OPHN1: variants seen among roughly 807,000 people sequenced by gnomAD.
OPHN1 encodes the protein oligophrenin 1.
In OPHN1, 11 loss-of-function variants were observed where a neutral mutation model predicts 60.7. The observed-to-expected ratio is 0.18, with a 90% CI of 0.11 to 0.30. The LOEUF is 0.30. OPHN1 is among the 10% of genes least tolerant of loss of function. The pLI is 1.00. For missense variants in OPHN1, 449 were observed against 611.0 expected, an observed-to-expected ratio of 0.73 and a Z score of 2.80; for synonymous variants, 226 against 222.6, an observed-to-expected ratio of 1.02 and a Z score of -0.14.
intron 5 of OPHN1, among the ~76,000 whole-genome samples, chrX:68,240,176 G>T (rs183910321): frequency 8.9e-6 from 1 of 112,270 alleles, no homozygotes; most frequent in East Asian, 2.8e-4. Flanking sequence ...AGACAAATGG[G>T]TATCTTTCTC....
At chrX:68,184,473 G>A (rs1369675301) in intron 15 of OPHN1, among the ~76,000 whole-genome samples, 2 of 104,383 alleles carry the variant, frequency 1.9e-5, no homozygotes, top group Non-Finnish European at 3.9e-5. Flanking sequence ...GGTGAGCTGA[G>A]ATCACGTCAC....
chrX:68,320,305 C>T (rs893904608), intron 2 of OPHN1, among the ~76,000 whole-genome samples: 2 of 111,207 alleles, frequency 1.8e-5, no homozygotes, highest in East Asian at 2.8e-4. Context: ...GCTGTGATCA[C>T]GCCACTGCAC....
At chrX:68,251,893 C>T (rs1367724260) in intron 5 of OPHN1, among the ~76,000 whole-genome samples, 1 of 112,189 alleles carries the variant, frequency 8.9e-6, no homozygotes, top group African/African-American at 3.2e-5. Flanking sequence ...CCCCACCTCT[C>T]TGTATCCATG....
intron 2 of OPHN1, among the ~76,000 whole-genome samples, chrX:68,324,567 T>C (rs2078250313): frequency 1.9e-5 from 2 of 105,116 alleles, no homozygotes; most frequent in South Asian, 4.4e-4. Flanking sequence ...TCAGATGTGT[T>C]CATGCTACTG....
At chrX:68,399,351 C>T (rs1602388350) in intron 2 of OPHN1, among the ~76,000 whole-genome samples, 1 of 111,306 alleles carries the variant, frequency 9.0e-6, no homozygotes, top group South Asian at 3.8e-4. Context: ...TTGAATCTTC[C>T]TATTTAAAAC....
chrX:68,339,962 C>T (rs572331070), intron 2 of OPHN1, among the ~76,000 whole-genome samples: 3 of 111,916 alleles, frequency 2.7e-5, no homozygotes, highest in Admixed American at 9.6e-5. Flanking sequence ...CACTGTTTCA[C>T]GTACAATGGT....
rs769784905 is a variant in OPHN1, at chrX:68,338,629, A to G, written c.155-39533T>C. On this transcript the variant is annotated intron_variant, in intron 2 of 24. Transcript: ENST00000355520. ...CCCTAATATAAAAATTAAACTAACC[A>G]CAAGAAAATAAGTCTAAATACAAAA... Among the ~76,000 whole-genome samples the G allele has an allele frequency of 2.9e-3, 325 of 112,059 alleles. 3 individuals carry two copies. Among genetic ancestry groups the G allele is most frequent in the Non-Finnish European group, 4.8e-3 (253 of 53,229 alleles).
chrX:68,369,470 GTACAGCC>G (rs1001874147), intron 2 of OPHN1, among the ~76,000 whole-genome samples: 2 of 111,428 alleles, frequency 1.8e-5, no homozygotes, highest in Non-Finnish European at 3.8e-5. Flanking sequence ...AAACAGGAAA[GTACAGCC>G]TACTCAAAGA....
chrX:68,054,143 T>C (rs1159981579), intron 21 of OPHN1, among the ~76,000 whole-genome samples: 1 of 110,338 alleles, frequency 9.1e-6, no homozygotes, highest in African/African-American at 3.3e-5. Flanking sequence ...GGTACTAATA[T>C]GTTTAGTGCA....
At chrX:68,322,396 T>C (rs759408020) in intron 2 of OPHN1, among the ~76,000 whole-genome samples, 1 of 112,043 alleles carries the variant, frequency 8.9e-6, no homozygotes, top group South Asian at 3.7e-4. Context: ...CAGCTTCATC[T>C]GTAATAGCCA....
At chrX:68,225,293 G>A (rs1404433629) in intron 6 of OPHN1, among the ~76,000 whole-genome samples, 1 of 112,128 alleles carries the variant, frequency 8.9e-6, no homozygotes, top group African/African-American at 3.2e-5. Flanking sequence ...CCACCTCTGG[G>A]GGCAGGGCAT....
intron 14 of OPHN1, 119 bp downstream of exon 14, chrX:68,193,771 C>T: frequency 1.7e-6 from 1 of 602,445 alleles, no homozygotes; most frequent in Non-Finnish European, 2.8e-6. Flanking sequence ...TAGCTTGCAT[C>T]TACTACACAA....
At chrX:68,411,105 A>T (rs990572548) in intron 2 of OPHN1, among the ~76,000 whole-genome samples, 1 of 104,569 alleles carries the variant, frequency 9.6e-6, no homozygotes, top group Non-Finnish European at 2.0e-5. Context: ...CATACAAAAT[A>T]TAAGAATTCA....
intron 20 of OPHN1, among the ~76,000 whole-genome samples, chrX:68,065,473 T>C (rs1028735050): frequency 8.9e-6 from 1 of 111,791 alleles, no homozygotes; most frequent in Non-Finnish European, 1.9e-5. Flanking sequence ...ATATATGTTT[T>C]TAAATGCTGA....
chrX:68,301,641 TGA>T (rs952596853), intron 2 of OPHN1, among the ~76,000 whole-genome samples: 5 of 111,129 alleles, frequency 4.5e-5, no homozygotes, highest in African/African-American at 1.6e-4. Context: ...TTGTCGTGTG[TGA>T]CACATTTAAT....
intron 4 of OPHN1, among the ~76,000 whole-genome samples, chrX:68,281,887 G>A (rs1266494212): frequency 8.9e-6 from 1 of 112,500 alleles, no homozygotes; most frequent in Non-Finnish European, 1.9e-5. Flanking sequence ...CCGTGAGAAT[G>A]GCTAAAATCC....
chrX:68,206,631 T>C lies in OPHN1; in HGVS notation c.875A>G (p.Glu292Gly). ...CATGGTCAGTGTTTTGGTCTCTTTC[T>C]CATACTGGCAATAGTATTTCACCCA... Reference protein sequence around the residue: ...ISWVKYYCQYEKETKTLTMTP... With the variant: ...ISWVKYYCQYGKETKTLTMTP... The change falls in exon 10 of 25, where the codon GAG becomes GGG. Residue 292 changes from glutamate (E) to glycine (G), a missense_variant. By Grantham distance (98) the Glu-to-Gly change is moderately conservative (BLOSUM62 -2). Coordinates refer to ENST00000355520, the MANE Select transcript of OPHN1 (RefSeq NM_002547.3). The C allele has an allele frequency of 8.3e-7, 1 of 1,210,066 alleles. No individual in the cohort carries two copies. The highest frequency in any genetic ancestry group is 1.1e-6 in the Non-Finnish European group (1 of 893,818).
intron 3 of OPHN1, among the ~76,000 whole-genome samples, chrX:68,294,041 C>T (rs992281169): frequency 4.5e-5 from 5 of 111,602 alleles, no homozygotes; most frequent in African/African-American, 1.6e-4. Flanking sequence ...TTTAGTTATC[C>T]ACCTCCTTTA....
rs1040259942 is a variant in OPHN1, at chrX:68,167,262, T to C, written c.1276+25657A>G. Among the ~76,000 whole-genome samples the C allele has an allele frequency of 3.6e-5, 4 of 111,726 alleles. No individual in the cohort carries two copies. In the South Asian group the frequency reaches 1.5e-3, roughly 42 times the overall value. On this transcript the variant is annotated intron_variant, in intron 15 of 24. Coordinates refer to ENST00000355520, the MANE Select transcript of OPHN1 (RefSeq NM_002547.3). Reference sequence around the variant, plus strand: ...ATGAAAAGGTGCTTAATGTCACTGATCATCATATAAACGCAAATCAAAACT... The same window carrying C: ...ATGAAAAGGTGCTTAATGTCACTGACCATCATATAAACGCAAATCAAAACT...
Sources: gnomAD v4.1 joint callset for allele counts (sites outside exome capture counted in the v4.1 genomes callset) on GRCh38, gnomAD v4.1.1 for gene constraint, MANE v1.5 for transcripts, NCBI Gene and HGNC (gene_info 2026-07-23, HGNC 2026-07-21) for gene names.